The following SLC66A3 variants were observed in gnomAD, a reference collection of about 807,000 sequenced individuals.
SLC66A3 encodes PQ loop repeat containing 3.
SLC66A3 carries 23 observed loss-of-function variants against 25.5 expected under a neutral mutation model. The ratio of observed to expected loss-of-function variants is 0.90; its 90% CI spans 0.65 to 1.28. SLC66A3 has a LOEUF of 1.28. SLC66A3 is among the 50% of genes most tolerant of loss of function. SLC66A3 has a pLI of 0.00. For synonymous variants in SLC66A3, 108 were observed against 112.6 expected (o/e 0.96, Z 0.26); for missense variants, 246 against 262.1 (o/e 0.94, Z 0.42).
In SLC66A3 at chr2:11,160,670, A is replaced by G; in HGVS notation, c.272A>G (p.Lys91Arg). 6.2e-7 allele frequency: 1 copy of G among 1,614,122 alleles called. No individual in the cohort carries two copies. The highest frequency in any genetic ancestry group is 8.5e-7 in the Non-Finnish European group (1 of 1,180,014). Residue 91 changes from lysine to arginine, a missense_variant, in exon 3 of 7, where the codon AAG (lysine) becomes AGG (arginine). Transcript: ENST00000295083. ...ATCTTTCATTTTAACGGGAACGTGA[A>G]GCAGGCCACTCCTTACATCGCTGTG... ...LCIFHFNGNV[K>R]QATPYIAVLV...
At chr2:11,177,681 TG>T (rs1662809427) in intron 6 of SLC66A3, 55 bp from the exon 7 acceptor site, 6 of 1,043,536 alleles carry the variant, frequency 5.7e-6, no homozygotes. Context: ...GAGCAGGAGG[TG>T]GTTTTGGTCT....
intron 1 of SLC66A3, among the ~76,000 whole-genome samples, chr2:11,159,361 G>A (rs1380660854): frequency 1.3e-5 from 2 of 152,182 alleles, no homozygotes; most frequent in African/African-American, 4.8e-5. Flanking sequence ...TGTCCCTGAA[G>A]CTGGGAGGTG....
At chr2:11,164,167 G>T in intron 3 of SLC66A3, 37 bp from the exon 4 acceptor site, 1 of 1,384,766 alleles carries the variant, frequency 7.2e-7, no homozygotes, top group Non-Finnish European at 1.0e-6. Flanking sequence ...GCGCGGATGT[G>T]GGTGACCCAC....
chr2:11,170,113 G>A (rs1456639851), intron 4 of SLC66A3, among the ~76,000 whole-genome samples: 1 of 152,144 alleles, frequency 6.6e-6, no homozygotes, highest in Non-Finnish European at 1.5e-5. Flanking sequence ...GTGGGATTAC[G>A]GCGTCAGCCA....
chr2:11,175,114 A>G (rs928312526), intron 6 of SLC66A3, 105 bp downstream of exon 6: 8 of 819,614 alleles, frequency 9.8e-6, no homozygotes, highest in African/African-American at 3.5e-5. Flanking sequence ...GCTCTGTTGG[A>G]TTATAGATTT....
At chr2:11,172,757 G>T in intron 5 of SLC66A3, 1 of 437,716 alleles carries the variant, frequency 2.3e-6, no homozygotes. Flanking sequence ...ACAGGGTCTC[G>T]CTCTCTCTCA....
intron 1 of SLC66A3, 28 bp downstream of exon 1, chr2:11,155,717 T>C: frequency 7.4e-7 from 1 of 1,344,902 alleles, no homozygotes. Flanking sequence ...CGGGGCTGCC[T>C]CCTGCCCCCT....
At chr2:11,172,141 G>A (rs915495152) in intron 5 of SLC66A3, 96 bp downstream of exon 5, 4 of 1,225,102 alleles carry the variant, frequency 3.3e-6, no homozygotes, top group Non-Finnish European at 4.6e-6. Context: ...ATGGTCCCTG[G>A]CGCTTTACTA....
At position 11,160,634 on chromosome 2, in the gene SLC66A3, T is replaced by A. The variant is rs753297069; in HGVS notation, c.236T>A (p.Leu79His). ...AGCCTCTCTCTTTCAGATGTCATCCTCCTGCTCTGTATCTTTCATTTTAAC... is the reference window on the plus strand; with the variant it reads ...AGCCTCTCTCTTTCAGATGTCATCCACCTGCTCTGTATCTTTCATTTTAAC... ...YPILIAQDVILLLCIFHFNGN... is the reference protein window; with the variant it reads ...YPILIAQDVIHLLCIFHFNGN... Residue 79 changes from leucine (L) to histidine (H), a missense_variant, in exon 3 of 7, where the codon CTC becomes CAC. Leu to His is a moderately conservative substitution (Grantham distance 99). Around this residue, in one of 3 missense-constraint regions of SLC66A3, gnomAD observed 142 missense variants for 130.3 expected, o/e 1.09. Coordinates refer to ENST00000295083, the MANE Select transcript of SLC66A3 (RefSeq NM_152391.5). 1 of 1,614,122 alleles carries A rather than the reference T, an allele frequency of 6.2e-7. No homozygotes were observed. The highest frequency in any genetic ancestry group is 8.5e-7 in the Non-Finnish European group (1 of 1,180,014).
At chr2:11,168,157 C>T (rs1481578672) in intron 4 of SLC66A3, among the ~76,000 whole-genome samples, 7 of 151,904 alleles carry the variant, frequency 4.6e-5, no homozygotes, top group East Asian at 3.9e-4. Flanking sequence ...TGGTGGCGGG[C>T]ACCTGTAGTC....
intron 1 of SLC66A3, among the ~76,000 whole-genome samples, chr2:11,159,653 T>G (rs1165624973): frequency 6.6e-6 from 1 of 152,134 alleles, no homozygotes; most frequent in Non-Finnish European, 1.5e-5. Flanking sequence ...GTCCCATGGT[T>G]CCGGCTCCCC....
intron 4 of SLC66A3, among the ~76,000 whole-genome samples, chr2:11,166,882 GA>G (rs1662363993): frequency 6.6e-6 from 1 of 151,932 alleles, no homozygotes; most frequent in South Asian, 2.1e-4. Context: ...GTGACAGAGC[GA>G]GACTGCATCT....
intron 6 of SLC66A3, 59 bp from the exon 7 acceptor site, chr2:11,177,678 A>G: frequency 9.9e-7 from 1 of 1,005,542 alleles, no homozygotes. Flanking sequence ...TTTGAGCAGG[A>G]GGTGGTTTTG....
chr2:11,164,811 C>G (rs1223518861), intron 4 of SLC66A3, among the ~76,000 whole-genome samples: 3 of 152,088 alleles, frequency 2.0e-5, no homozygotes, highest in Non-Finnish European at 4.4e-5. Context: ...CCATTTAACC[C>G]TGAGTGGACA....
intron 4 of SLC66A3, among the ~76,000 whole-genome samples, chr2:11,166,882 G>A (rs543248728): frequency 2.7e-4 from 41 of 152,032 alleles, no homozygotes; most frequent in Admixed American, 2.2e-3. Flanking sequence ...GTGACAGAGC[G>A]AGACTGCATC....
rs148134570 is a variant in SLC66A3, at chr2:11,177,660, G to C, written c.518-77G>C. ...AGGTTGGGGGTGAAGCTTTATTTAG[G>C]CTTATACTTTGAGCAGGAGGTGGTT... On this transcript the variant is annotated intron_variant, in intron 6 of 6. Transcript: ENST00000295083. The C allele has an allele frequency of 3.6e-4, 309 of 868,756 alleles. 1 individual carries two copies. In the African/African-American group the frequency reaches 4.5e-3, roughly 13 times the overall value. The allele number at this position is 868,756 out of a possible 1,614,324, so 53.8% of individuals were successfully genotyped here. A position where few individuals can be genotyped will look rare whatever the true frequency, so the allele number is the denominator to read the frequency against.
chr2:11,156,708 T>A (rs916623562), intron 1 of SLC66A3, among the ~76,000 whole-genome samples: 13 of 151,872 alleles, frequency 8.6e-5, no homozygotes, highest in African/African-American at 2.9e-4. Context: ...GGGGAAATTT[T>A]TGGGAAAGGC....
chr2:11,174,835 TA>T (rs1280365069), intron 5 of SLC66A3, 132 bp from the exon 6 acceptor site: 3 of 528,588 alleles, frequency 5.7e-6, no homozygotes, highest in East Asian at 6.6e-5. Flanking sequence ...TATATGTTGT[TA>T]AAAAAAGAAT....
chr2:11,164,247 A>G lies in SLC66A3; in HGVS notation c.340A>G (p.Ile114Val), dbSNP rs149835969. ...CATCCTTGCCCTGCAGAAGTGGATC[A>G]TAGACCTGGCCATGGTAAGTATTAT... ...WFILALQKWIIDLAMNLCTFI... is the reference protein window; with the variant it reads ...WFILALQKWIVDLAMNLCTFI... The change falls in exon 4 of 7, where the codon ATA becomes GTA. Residue 114 changes from isoleucine to valine, a missense_variant. By Grantham distance (29) the Ile-to-Val change is conservative. This residue lies in a region of SLC66A3 where 11 missense variants were observed against 29.2 expected (regional missense o/e 0.38). Coordinates refer to ENST00000295083, the MANE Select transcript of SLC66A3 (RefSeq NM_152391.5). The G allele has an allele frequency of 2.6e-6, 4 of 1,567,418 alleles. No individual in the cohort carries two copies. In the African/African-American group the frequency reaches 5.5e-5, roughly 22 times the overall value.
Sources: allele counts gnomAD v4.1 joint callset (sites outside exome capture counted in the v4.1 genomes callset), GRCh38; gene constraint gnomAD v4.1.1; regional missense constraint gnomAD v4.1.1; transcripts MANE v1.5; gene names NCBI Gene and HGNC (gene_info 2026-07-23, HGNC 2026-07-21).